Variants in RHOBTB2 observed in about 807,000 individuals in gnomAD.
The protein encoded by RHOBTB2 is Rho related BTB domain containing 2, also known as rho-related BTB domain-containing protein 2.
RHOBTB2 carries 39 observed loss-of-function variants against 66.5 expected under a neutral mutation model. The observed-to-expected ratio is 0.59, with a 90% CI of 0.45 to 0.77. The LOEUF (loss-of-function observed/expected upper bound fraction) is 0.77, where lower values mean the gene tolerates loss of function less well. Ranked by LOEUF, RHOBTB2 falls within the 30% of genes least tolerant of loss-of-function variation. The probability of loss-of-function intolerance (pLI) is 0.00; values close to 1 mark genes in which losing one functional copy is unlikely to be tolerated. For synonymous variants in RHOBTB2, 390 were observed against 395.0 expected, an observed-to-expected ratio of 0.99 and a Z score of 0.15; for missense variants, 755 against 999.1, an observed-to-expected ratio of 0.76 and a Z score of 3.29.
upstream of RHOBTB2, chr8:22,995,996 G>T: frequency 5.3e-6 from 5 of 947,070 alleles, no homozygotes; most frequent in Non-Finnish European, 8.4e-6. Flanking sequence ...CTGGGAAGGG[G>T]CCTTCACAGC....
At chr8:22,954,515 T>G in the RHOBTB2 span, among the ~76,000 whole-genome samples, 6 of 152,240 alleles carry the variant, frequency 3.9e-5, no homozygotes, top group African/African-American at 1.4e-4. Flanking sequence ...TTTTTGTTTA[T>G]TACAAGCTTC....
chr8:22,981,858 G>A, the RHOBTB2 span, among the ~76,000 whole-genome samples: 1 of 152,198 alleles, frequency 6.6e-6, no homozygotes, highest in Non-Finnish European at 1.5e-5. Context: ...AGTCAGCTGA[G>A]CACCAGCTGC....
Position 23,010,547 on chromosome 8 carries a change from C to G in RHOBTB2, c.1630C>G (p.Pro544Ala), listed in dbSNP as rs199850430. Residue 544 changes from proline (P) to alanine (A), a missense_variant, in exon 7 of 10, where the codon CCC (proline) becomes GCC (alanine). Transcript: ENST00000251822. The part of the protein sequence containing the change: ...VESSTREVVF[P>A]YTSKSCMRAV... ...CTCCTTCCCTCCCCAGGTGGTGTTTCCCTACACAAGCAAGAGCTGCATGCG... is the reference window on the plus strand; with the variant it reads ...CTCCTTCCCTCCCCAGGTGGTGTTTGCCTACACAAGCAAGAGCTGCATGCG... 9.9e-6 allele frequency: 16 copies of G among 1,613,254 alleles called. No individual in the cohort carries two copies. Among genetic ancestry groups the G allele is most frequent in the Non-Finnish European group, 4.2e-6 (5 of 1,179,548 alleles).
At chr8:23,003,872 T>C (rs1339097813) in intron 1 of RHOBTB2, among the ~76,000 whole-genome samples, 1 of 152,144 alleles carries the variant, frequency 6.6e-6, no homozygotes, top group Non-Finnish European at 1.5e-5. Flanking sequence ...AGGCTAGGGC[T>C]TGGAAATCCA....
the RHOBTB2 span, among the ~76,000 whole-genome samples, chr8:22,967,483 C>T: frequency 7.0e-4 from 106 of 151,146 alleles, 2 homozygotes; most frequent in African/African-American, 2.4e-3. Flanking sequence ...TGATGGCAGG[C>T]GCCTGTAATC....
the RHOBTB2 span, among the ~76,000 whole-genome samples, chr8:22,966,060 A>T: frequency 4.6e-5 from 7 of 152,116 alleles, no homozygotes; most frequent in African/African-American, 1.7e-4. Flanking sequence ...TAGAAAATTT[A>T]TAAAACTCAG....
Position 23,019,013 on chromosome 8 carries a change from G to C in RHOBTB2, c.*1544G>C, listed in dbSNP as rs561952299. 1.3e-5 allele frequency: 2 copies of C among 152,230 alleles called. No individual in the cohort carries two copies. The highest frequency in any genetic ancestry group is 2.9e-5 in the Non-Finnish European group (2 of 68,066). 9.4% of individuals were successfully genotyped at this position (152,230 alleles called of 1,614,324 possible). Reference sequence around the variant, plus strand: ...TTGCCCCTTTCCGTTTTCTAACCCCGACTCAGATTTCACCACCCACACTCT... The same window carrying C: ...TTGCCCCTTTCCGTTTTCTAACCCCCACTCAGATTTCACCACCCACACTCT... On this transcript the variant is annotated 3_prime_UTR_variant, in exon 10 of 10. Transcript: ENST00000251822.
In RHOBTB2 at chr8:22,999,875, T is replaced by G. The variant is rs1430012937; in HGVS notation, c.-241T>G. The G allele has an allele frequency of 1.0e-6, 1 of 984,956 alleles. No individual in the cohort carries two copies. Among genetic ancestry groups the G allele is most frequent in the Non-Finnish European group, 1.2e-6 (1 of 829,818 alleles). 61.0% of individuals were successfully genotyped at this position (984,956 alleles called of 1,614,324 possible). On this transcript the variant is annotated 5_prime_UTR_variant, in exon 1 of 10. Transcript: ENST00000251822. ...GATCCGGAAGGGGCAGCGGCTGCAGTGCAGCGCGCGCGTCCGCTCCTGGGC... is the reference window on the plus strand; with the variant it reads ...GATCCGGAAGGGGCAGCGGCTGCAGGGCAGCGCGCGCGTCCGCTCCTGGGC...
chr8:23,010,855 C>T (rs1811126620), intron 7 of RHOBTB2, among the ~76,000 whole-genome samples, 167 bp downstream of exon 7: 2 of 152,194 alleles, frequency 1.3e-5, no homozygotes, highest in African/African-American at 4.8e-5. Context: ...GATGAGGACA[C>T]AGAGTGAAGA....
intron 1 of RHOBTB2, among the ~76,000 whole-genome samples, chr8:22,991,529 G>A (rs1351502564): frequency 6.6e-6 from 1 of 152,198 alleles, no homozygotes; most frequent in East Asian, 1.9e-4. Flanking sequence ...CTGGACAGTT[G>A]AGGGCATTCT....
chr8:23,015,038 G>C (rs973129175), intron 8 of RHOBTB2, among the ~76,000 whole-genome samples: 27 of 152,210 alleles, frequency 1.8e-4, no homozygotes, highest in East Asian at 7.7e-4. Flanking sequence ...GGAACCCCAG[G>C]CTCAGGCTTA....
In RHOBTB2 at chr8:22,999,565, TC is replaced by T. The variant is rs1563287809; in HGVS notation, c.-550del. On this transcript the variant is annotated 5_prime_UTR_variant, in exon 1 of 10. Transcript: ENST00000251822. ...CAGTGGGCGGGGCCCGTCACGGCTG[TC>T]GTCTTGGGTGCGATTTTTTTCTCCT... 2 of 1,206,436 alleles carry T rather than the reference TC, an allele frequency of 1.7e-6. No individual in the cohort carries two copies. 74.7% of individuals were successfully genotyped at this position (1,206,436 alleles called of 1,614,324 possible).
the RHOBTB2 span, among the ~76,000 whole-genome samples, chr8:22,966,306 T>A: frequency 6.6e-6 from 1 of 151,780 alleles, no homozygotes; most frequent in Non-Finnish European, 1.5e-5. Flanking sequence ...TAAGCTGAGA[T>A]GGCACCACTG....
chr8:23,017,577 A>T lies in RHOBTB2; in HGVS notation c.*108A>T. On this transcript the variant is annotated 3_prime_UTR_variant, in exon 10 of 10. Coordinates refer to ENST00000251822, the MANE Select transcript of RHOBTB2 (RefSeq NM_015178.3). The surrounding 1 kb of genome is among the most constrained non-coding windows in gnomAD (Gnocchi z 5.3). The stretch of plus-strand genomic sequence containing the variant: ...CTTACAGGGACCAGGGGGCCCACGT[A>T]ACCAGGACCCAGAGGGTGGAGCTCT... 6.7e-7 allele frequency: 1 copy of T among 1,482,916 alleles called. No individual in the cohort carries two copies. Among genetic ancestry groups the T allele is most frequent in the Admixed American group, 2.1e-5 (1 of 47,874 alleles). The allele number at this position is 1,482,916 out of a possible 1,614,324, so 91.9% of individuals were successfully genotyped here.
At chr8:22,952,802 G>T in the RHOBTB2 span, among the ~76,000 whole-genome samples, 28 of 152,288 alleles carry the variant, frequency 1.8e-4, no homozygotes, top group African/African-American at 6.7e-4. Context: ...CTACATGGGA[G>T]GCTGAGGCAG....
chr8:22,964,685 T>G, the RHOBTB2 span, among the ~76,000 whole-genome samples: 1 of 152,238 alleles, frequency 6.6e-6, no homozygotes, highest in African/African-American at 2.4e-5. Context: ...TTGTTGTCAG[T>G]GAGCAATATC....
intron 5 of RHOBTB2, 79 bp downstream of exon 5, chr8:23,007,825 C>T (rs1811020378): frequency 2.6e-6 from 4 of 1,555,628 alleles, no homozygotes; most frequent in African/African-American, 1.4e-5. Flanking sequence ...CTCCTGGTGT[C>T]CTGGAGCTGC....
intron 6 of RHOBTB2, among the ~76,000 whole-genome samples, chr8:23,009,006 G>C (rs949517372): frequency 5.3e-5 from 8 of 152,064 alleles, no homozygotes; most frequent in Non-Finnish European, 7.4e-5. Context: ...GGCCAGCAAG[G>C]CTTTAGTTGT....
At chr8:22,955,038 C>A in the RHOBTB2 span, among the ~76,000 whole-genome samples, 1 of 151,932 alleles carries the variant, frequency 6.6e-6, no homozygotes, top group African/African-American at 2.4e-5. Context: ...GGCTGAGGCA[C>A]GAGAATTGCT....
Sources: gnomAD v4.1 joint callset for allele counts (sites outside exome capture counted in the v4.1 genomes callset) on GRCh38, gnomAD v4.1.1 for gene constraint, Gnocchi (gnomAD v3.1) non-coding constraint, MANE v1.5 for transcripts, NCBI Gene and HGNC (gene_info 2026-07-23, HGNC 2026-07-21) for gene names.